GARIN2: variants seen among roughly 807,000 people sequenced by gnomAD.
GARIN2 encodes the protein Golgi-associated RAB2 interactor protein 2.
chr14:67,198,679 AG>A, the GARIN2 span, among the ~76,000 whole-genome samples: 14 of 152,228 alleles, frequency 9.2e-5, no homozygotes, highest in African/African-American at 3.4e-4. Flanking sequence ...ATCTATGACT[AG>A]GGATTACAAT....
At chr14:67,225,103 C>CT in the GARIN2 span, 1 of 1,527,950 alleles carries the variant, frequency 6.5e-7, no homozygotes, top group Non-Finnish European at 8.8e-7. Flanking sequence ...TATTCTTTTT[C>CT]TTTTTTCCCT....
the GARIN2 span, among the ~76,000 whole-genome samples, chr14:67,218,423 G>A: frequency 6.6e-6 from 1 of 152,132 alleles, no homozygotes. Flanking sequence ...AGTCTGCTTG[G>A]CTGACTCAGG....
the GARIN2 span, among the ~76,000 whole-genome samples, chr14:67,220,723 C>T: frequency 6.6e-6 from 1 of 152,120 alleles, no homozygotes; most frequent in African/African-American, 2.4e-5. Context: ...ATCTATTTTT[C>T]AAGGTACATT....
At chr14:67,218,733 A>C in the GARIN2 span, among the ~76,000 whole-genome samples, 1 of 151,930 alleles carries the variant, frequency 6.6e-6, no homozygotes, top group Non-Finnish European at 1.5e-5. Flanking sequence ...GCACATAGCC[A>C]TTCTGCTTGC....
the GARIN2 span, among the ~76,000 whole-genome samples, chr14:67,202,295 G>A: frequency 6.6e-6 from 1 of 152,126 alleles, no homozygotes; most frequent in Non-Finnish European, 1.5e-5. Flanking sequence ...ACAAAAATTA[G>A]CCGGGCTTGG....
the GARIN2 span, chr14:67,203,210 G>A: frequency 6.2e-7 from 1 of 1,613,798 alleles, no homozygotes; most frequent in Middle Eastern, 1.6e-4. Flanking sequence ...TGGCCCATCT[G>A]ACACCTGGTG....
the GARIN2 span, chr14:67,200,273 TC>T: frequency 1.3e-6 from 1 of 766,288 alleles, no homozygotes; most frequent in Non-Finnish European, 2.1e-6. Flanking sequence ...CCAGGCCCAC[TC>T]CCCAGCCACC....
the GARIN2 span, among the ~76,000 whole-genome samples, chr14:67,212,515 TG>T: frequency 6.7e-6 from 1 of 149,558 alleles, no homozygotes; most frequent in South Asian, 2.1e-4. Context: ...CACCTAATCC[TG>T]GGGGGTTGAG....
At chr14:67,198,134 A>G in the GARIN2 span, 1 of 1,593,912 alleles carries the variant, frequency 6.3e-7, no homozygotes, top group Non-Finnish European at 8.5e-7. Context: ...CCATTCCCTC[A>G]GTTTTTTTAT....
chr14:67,195,821 G>A, the GARIN2 span, among the ~76,000 whole-genome samples: 101 of 151,454 alleles, frequency 6.7e-4, no homozygotes, highest in African/African-American at 2.4e-3. Context: ...TCAGCTCACT[G>A]CCATCTCCGC....
At chr14:67,199,952 CAGG>C in the GARIN2 span, 201 of 1,321,932 alleles carry the variant, frequency 1.5e-4, no homozygotes, top group Middle Eastern at 5.3e-4. Flanking sequence ...CCATTCCCAC[CAGG>C]AGGAGTGCCC....
At chr14:67,211,092 C>T in the GARIN2 span, among the ~76,000 whole-genome samples, 1 of 152,178 alleles carries the variant, frequency 6.6e-6, no homozygotes, top group African/African-American at 2.4e-5. Flanking sequence ...TGATCTTGGG[C>T]AAGTTACTTA....
chr14:67,205,560 G>A, the GARIN2 span, among the ~76,000 whole-genome samples: 1 of 152,106 alleles, frequency 6.6e-6, no homozygotes, highest in African/African-American at 2.4e-5. Context: ...ATGGAAATAG[G>A]ATAATAAAAA....
the GARIN2 span, chr14:67,223,739 T>G: frequency 1.7e-5 from 17 of 984,518 alleles, no homozygotes; most frequent in African/African-American, 2.8e-4. Flanking sequence ...TTTTCCCACT[T>G]TTTTCTTACT....
chr14:67,223,936 A>T, the GARIN2 span: 4 of 985,210 alleles, frequency 4.1e-6, no homozygotes, highest in Non-Finnish European at 4.8e-6. Context: ...AGTACAAATT[A>T]AAAATGAGTC....
At chr14:67,190,011 T>C in the GARIN2 span, among the ~76,000 whole-genome samples, 6 of 150,002 alleles carry the variant, frequency 4.0e-5, no homozygotes, top group Non-Finnish European at 8.9e-5. Context: ...CAGCTAATTT[T>C]GTATTTTTTT....
At chr14:67,226,043 C>T in the GARIN2 span, among the ~76,000 whole-genome samples, 5 of 152,002 alleles carry the variant, frequency 3.3e-5, no homozygotes, top group African/African-American at 7.2e-5. Flanking sequence ...TGGTGGACCA[C>T]GGGTGGCCTG....
chr14:67,192,066 CAAAT>C, the GARIN2 span, among the ~76,000 whole-genome samples: 2 of 152,242 alleles, frequency 1.3e-5, no homozygotes, highest in Non-Finnish European at 2.9e-5. Flanking sequence ...TCATCCATCT[CAAAT>C]AAAACTCCAT....
the GARIN2 span, among the ~76,000 whole-genome samples, chr14:67,224,384 G>A: frequency 2.6e-5 from 4 of 151,092 alleles, no homozygotes; most frequent in Non-Finnish European, 4.4e-5. Context: ...TCAGTCTCCC[G>A]AGTAGCTGGG....
Sources: allele counts gnomAD v4.1 joint callset (sites outside exome capture counted in the v4.1 genomes callset), GRCh38; gene constraint gnomAD v4.1.1; transcripts MANE v1.5; gene names NCBI Gene and HGNC (gene_info 2026-07-23, HGNC 2026-07-21).